LRP1B: variants seen among roughly 807,000 people sequenced by gnomAD.
LRP1B encodes low-density lipoprotein receptor-related protein 1B.
A neutral mutation model predicts 556.6 loss-of-function variants in LRP1B; 217 were observed. That is an observed-to-expected ratio of 0.39 (90% confidence interval 0.35 to 0.44). The LOEUF is 0.44. LRP1B is among the 20% of genes least tolerant of loss of function. The pLI, the probability that LRP1B is intolerant of heterozygous loss-of-function variation, is 1.00. For synonymous variants in LRP1B, 2,047 were observed against 1,865.8 expected (o/e 1.10, Z -2.50); for missense variants, 5,053 against 5,620.8 (o/e 0.90, Z 3.23).
rs186800967 is a variant in LRP1B, at chr2:141,140,261, C to T, written c.1013+48160G>A. Among the ~76,000 whole-genome samples, 737 of 152,100 alleles carry T rather than the reference C, an allele frequency of 4.8e-3. 7 individuals are homozygous for T. Among genetic ancestry groups the T allele is most frequent in the African/African-American group, 0.017 (708 of 41,490 alleles). On this transcript the variant is annotated intron_variant, in intron 7 of 90. Coordinates refer to ENST00000389484, the MANE Select transcript of LRP1B (RefSeq NM_018557.3). Reference sequence around the variant, plus strand: ...CATTATTTTGATTGTAGTAATGTTTCCACTGACATATATATTTCATCACGT... The same window carrying T: ...CATTATTTTGATTGTAGTAATGTTTTCACTGACATATATATTTCATCACGT...
chr2:140,997,949 T>C (rs1697301902), intron 15 of LRP1B, among the ~76,000 whole-genome samples: 1 of 152,034 alleles, frequency 6.6e-6, no homozygotes, highest in Non-Finnish European at 1.5e-5. Context: ...GTACATAATC[T>C]TCTGTGAGTT....
rs61561343 is a variant in LRP1B at position 140,918,186 on chromosome 2, TTGTGTG to T, written c.3319+4773_3319+4778del. Among the ~76,000 whole-genome samples the T allele has an allele frequency of 1.4e-3, 200 of 147,764 alleles. 3 individuals are homozygous for T. The highest frequency in any genetic ancestry group is 5.0e-3 in the East Asian group (25 of 4,984). On this transcript the variant is annotated intron_variant, in intron 21 of 90. Coordinates refer to ENST00000389484, the MANE Select transcript of LRP1B (RefSeq NM_018557.3). Reference sequence around the variant, plus strand: ...AATCATTCTGCTGTAGATTTCTATTTTGTGTGTGTGTGTGTGTGTGTGTGTGTGTGT... The same window carrying T: ...AATCATTCTGCTGTAGATTTCTATTTTGTGTGTGTGTGTGTGTGTGTGTGT...
intron 31 of LRP1B, among the ~76,000 whole-genome samples, chr2:140,833,133 A>T (rs903782997): frequency 1.3e-5 from 2 of 152,202 alleles, no homozygotes; most frequent in African/African-American, 4.8e-5. Flanking sequence ...CTGAGCTGTC[A>T]GGATAAGCTT....
intron 7 of LRP1B, among the ~76,000 whole-genome samples, chr2:141,137,613 G>A (rs1180337031): frequency 6.6e-6 from 1 of 151,776 alleles, no homozygotes; most frequent in Non-Finnish European, 1.5e-5. Flanking sequence ...ATATACAATT[G>A]TATTGTGAAT....
intron 53 of LRP1B, among the ~76,000 whole-genome samples, chr2:140,505,248 G>A (rs1050898674): frequency 1.3e-5 from 2 of 149,848 alleles, no homozygotes; most frequent in African/African-American, 2.4e-5. Context: ...ATGGAAAACC[G>A]AGGCCCAGGG....
chr2:140,745,965 A>C (rs570868194), intron 35 of LRP1B, among the ~76,000 whole-genome samples: 109 of 152,302 alleles, frequency 7.2e-4, no homozygotes, highest in African/African-American at 2.6e-3. Context: ...TATGCATTCC[A>C]ACAATAAAAT....
intron 77 of LRP1B, among the ~76,000 whole-genome samples, chr2:140,341,519 T>C (rs1681388692): frequency 6.6e-6 from 1 of 151,366 alleles, no homozygotes; most frequent in Admixed American, 6.6e-5. Flanking sequence ...CAGGTGATAA[T>C]AAGTATAATA....
intron 35 of LRP1B, among the ~76,000 whole-genome samples, chr2:140,755,426 G>A (rs1451197225): frequency 6.6e-6 from 1 of 151,896 alleles, no homozygotes; most frequent in Admixed American, 6.6e-5. Context: ...CAAAATACTA[G>A]TGAACTGAAT....
chr2:141,311,463 C>T (rs964656266), intron 3 of LRP1B, among the ~76,000 whole-genome samples: 3 of 151,988 alleles, frequency 2.0e-5, no homozygotes, highest in Admixed American at 6.6e-5. Flanking sequence ...TTCAAGGCTC[C>T]ACTATAGGCT....
intron 37 of LRP1B, among the ~76,000 whole-genome samples, chr2:140,704,482 T>C (rs1686756494): frequency 6.6e-6 from 1 of 152,114 alleles, no homozygotes; most frequent in Non-Finnish European, 1.5e-5. Flanking sequence ...AAAAACTTTG[T>C]AGCATAAAAT....
chr2:141,838,618 G>T (rs1255324659), intron 1 of LRP1B, among the ~76,000 whole-genome samples: 2 of 152,076 alleles, frequency 1.3e-5, no homozygotes, highest in Non-Finnish European at 2.9e-5. Context: ...CTGTATTTTG[G>T]TTGAATGCTT....
intron 86 of LRP1B, among the ~76,000 whole-genome samples, chr2:140,262,726 ACCT>A (rs955146336): frequency 3.3e-5 from 5 of 151,934 alleles, no homozygotes; most frequent in African/African-American, 1.2e-4. Flanking sequence ...GGAGTCCCTG[ACCT>A]CCTCACTCTC....
intron 49 of LRP1B, among the ~76,000 whole-genome samples, chr2:140,520,798 G>GAAAAA (rs757383865): frequency 9.3e-5 from 8 of 86,442 alleles, no homozygotes; most frequent in East Asian, 4.1e-4. Context: ...TAAGAAAACA[G>GAAAAA]AAAAAAAAAA....
chr2:140,688,187 T>A (rs2105392612), intron 41 of LRP1B, among the ~76,000 whole-genome samples: 1 of 152,234 alleles, frequency 6.6e-6, no homozygotes, highest in Admixed American at 6.5e-5. Flanking sequence ...AGTGGCTTCA[T>A]AGCAACTAAT....
intron 1 of LRP1B, among the ~76,000 whole-genome samples, chr2:142,028,427 T>C (rs552017312): frequency 6.6e-6 from 1 of 152,142 alleles, no homozygotes; most frequent in East Asian, 1.9e-4. Flanking sequence ...AATAGAATTA[T>C]ACAGTATAGC....
At chr2:141,991,893 TG>T (rs1367902166) in intron 1 of LRP1B, among the ~76,000 whole-genome samples, 1 of 152,078 alleles carries the variant, frequency 6.6e-6, no homozygotes, top group Non-Finnish European at 1.5e-5. Context: ...AACTCCCTAT[TG>T]CACATGCAAT....
chr2:140,430,573 T>A (rs1391270421), intron 66 of LRP1B, among the ~76,000 whole-genome samples: 1 of 152,140 alleles, frequency 6.6e-6, no homozygotes, highest in Admixed American at 6.5e-5. Context: ...GGCCAGTTTT[T>A]CTCCTTCACA....
rs184993086 is a variant in LRP1B at position 140,987,240 on chromosome 2, C to T, written c.2770+2292G>A. On this transcript the variant is annotated intron_variant, in intron 17 of 90. Transcript: ENST00000389484. Reference sequence around the variant, plus strand: ...GACTATAATAGCTGTCATAAATATACTGACGAAAAGATCTAGTAGTGAGCA... The same window carrying T: ...GACTATAATAGCTGTCATAAATATATTGACGAAAAGATCTAGTAGTGAGCA... 3.5e-3 allele frequency among the ~76,000 whole-genome samples: 530 copies of T among 152,162 alleles called. 1 individual carries two copies. Among genetic ancestry groups the T allele is most frequent in the African/African-American group, 0.011 (449 of 41,540 alleles).
chr2:140,749,048 G>C (rs999846074), intron 35 of LRP1B, among the ~76,000 whole-genome samples: 1 of 151,560 alleles, frequency 6.6e-6, no homozygotes, highest in Non-Finnish European at 1.5e-5. Context: ...TTATTGTACT[G>C]AGTACTGTAG....
Sources: gnomAD v4.1 joint callset for allele counts (sites outside exome capture counted in the v4.1 genomes callset) on GRCh38, gnomAD v4.1.1 for gene constraint, MANE v1.5 for transcripts, NCBI Gene and HGNC (gene_info 2026-07-23, HGNC 2026-07-21) for gene names.